MS4A14: variants seen among roughly 807,000 people sequenced by gnomAD.
The protein encoded by MS4A14 is membrane spanning 4-domains A14.
A neutral mutation model predicts 16.7 loss-of-function variants in MS4A14; 18 were observed. The ratio of observed to expected loss-of-function variants is 1.08; its 90% confidence interval spans 0.75 to 1.60. The LOEUF (loss-of-function observed/expected upper bound fraction) is 1.60. Ranked by LOEUF, MS4A14 falls within the 40% of genes most tolerant of loss-of-function variation. The pLI is 0.00. For synonymous variants in MS4A14, 305 were observed against 289.4 expected (o/e 1.05, Z -0.55); for missense variants, 812 against 775.3 (o/e 1.05, Z -0.56).
At position 60,416,563 on chromosome 11, in the gene MS4A14, C is replaced by T; in HGVS notation, c.1595C>T (p.Ser532Phe). The change falls in exon 5 of 5, where the codon TCC (serine) becomes TTC (phenylalanine). Residue 532 changes from serine to phenylalanine, a missense_variant. Ser to Phe is a radical substitution (Grantham distance 155). Transcript: ENST00000300187. ...GGCTGGCAATCTCCAAAGCAGAAAT[C>T]CTTAGACCAGCAAATCAAAGACTGG... ...SKGWQSPKQK[S>F]LDQQIKDWLS... 1 of 1,613,856 alleles carries T rather than the reference C, an allele frequency of 6.2e-7. No homozygotes were observed. Among genetic ancestry groups the T allele is most frequent in the Non-Finnish European group, 8.5e-7 (1 of 1,179,952 alleles).
In MS4A14 at chr11:60,416,063, A is replaced by T. The variant is rs2085937125; in HGVS notation, c.1095A>T (p.Thr365=). 1.9e-6 allele frequency: 3 copies of T among 1,612,822 alleles called. No individual in the cohort carries two copies. In the African/African-American group the frequency reaches 4.0e-5, roughly 22 times the overall value. The change falls in exon 5 of 5, where the codon ACA becomes ACT. Residue 365 remains threonine, a synonymous_variant. Coordinates refer to ENST00000300187, the MANE Select transcript of MS4A14 (RefSeq NM_032597.5). ...LPPQGILSQD[T]SSQDMLFHDM... ...CTCAAGGCATACTATCCCAAGACAC[A>T]TCATCTCAAGATATGCTGTTTCATG...
chr11:60,399,049 T>C (rs1464922208), intron 2 of MS4A14, among the ~76,000 whole-genome samples: 8 of 152,218 alleles, frequency 5.3e-5, no homozygotes, highest in Non-Finnish European at 1.0e-4. Context: ...ACATACCGCG[T>C]CTTCAATGGC....
Position 60,416,088 on chromosome 11 carries a change from G to C in MS4A14, c.1120G>C (p.Asp374His), listed in dbSNP as rs911765497. The C allele has an allele frequency of 1.9e-6, 3 of 1,610,462 alleles. No individual in the cohort carries two copies. Among genetic ancestry groups the C allele is most frequent in the Non-Finnish European group, 2.5e-6 (3 of 1,178,248 alleles). Residue 374 changes from aspartate to histidine, a missense_variant, in exon 5 of 5, where the codon GAC becomes CAC. By Grantham distance (81) the Asp-to-His change is moderately conservative. Coordinates refer to ENST00000300187, the MANE Select transcript of MS4A14 (RefSeq NM_032597.5). ...ATCATCTCAAGATATGCTGTTTCAT[G>C]ACATGACATCCCAAGATATGCAATC... ...DTSSQDMLFHDMTSQDMQSLD... is the reference protein window; with the variant it reads ...DTSSQDMLFHHMTSQDMQSLD...
Position 60,415,970 on chromosome 11 carries a change from C to T in MS4A14, c.1002C>T (p.Thr334=), listed in dbSNP as rs1330062021. The part of the protein sequence containing the change: ...ALPVEGLSEQ[T]MPSKSTSSHV... ...CAGTAGAAGGCCTGTCAGAACAAAC[C>T]ATGCCATCTAAGTCTACATCATCCC... is the stretch of plus-strand genomic sequence containing the variant. Residue 334 remains threonine, a synonymous_variant, in exon 5 of 5, where the codon ACC becomes ACT. Transcript: ENST00000300187. 6.2e-7 allele frequency: 1 copy of T among 1,613,880 alleles called. No individual in the cohort carries two copies. Among genetic ancestry groups the T allele is most frequent in the Non-Finnish European group, 8.5e-7 (1 of 1,179,920 alleles).
intron 4 of MS4A14, among the ~76,000 whole-genome samples, chr11:60,410,585 G>A (rs2085854213): frequency 6.6e-6 from 1 of 152,148 alleles, no homozygotes; most frequent in Non-Finnish European, 1.5e-5. Context: ...CTTAGGCTTA[G>A]TGTCGGATTG....
intron 3 of MS4A14, 122 bp downstream of exon 3, chr11:60,400,576 TC>T: frequency 1.7e-6 from 1 of 580,318 alleles, no homozygotes; most frequent in Non-Finnish European, 3.0e-6. Context: ...AAGTTGCAGT[TC>T]AGATCATTCC....
In MS4A14 at chr11:60,396,727, T is replaced by G; in HGVS notation, c.138+11T>G. The G allele has an allele frequency of 6.2e-7, 1 of 1,612,326 alleles. No individual in the cohort carries two copies. Among genetic ancestry groups the G allele is most frequent in the South Asian group, 1.1e-5 (1 of 90,738 alleles). ...CCAAGAGTCTTGGGGGTAAGTCCTC[T>G]CCAGTCAATAGGTCTTCCAGAAGGG... is the stretch of plus-strand genomic sequence containing the variant. On this transcript the variant is annotated intron_variant, in intron 1 of 4. Coordinates refer to ENST00000300187, the MANE Select transcript of MS4A14 (RefSeq NM_032597.5).
At chr11:60,404,416 T>C (rs1284639852) in intron 4 of MS4A14, 3 of 403,462 alleles carry the variant, frequency 7.4e-6, no homozygotes, top group Non-Finnish European at 1.5e-5. Context: ...AGAGTAATCA[T>C]TTAAAAATGT....
At chr11:60,410,652 C>A (rs1214391352) in intron 4 of MS4A14, among the ~76,000 whole-genome samples, 1 of 152,084 alleles carries the variant, frequency 6.6e-6, no homozygotes, top group East Asian at 1.9e-4. Flanking sequence ...TATTCTTTCA[C>A]ATGTGGATGC....
At chr11:60,400,503 A>G in intron 3 of MS4A14, 49 bp downstream of exon 3, 2 of 1,329,738 alleles carry the variant, frequency 1.5e-6, no homozygotes, top group East Asian at 2.4e-5. Flanking sequence ...TTTGTTTTAT[A>G]TCATCTTTAT....
intron 4 of MS4A14, among the ~76,000 whole-genome samples, chr11:60,410,600 T>G (rs188249336): frequency 6.6e-6 from 1 of 152,296 alleles, no homozygotes; most frequent in East Asian, 1.9e-4. Flanking sequence ...GGATTGATTT[T>G]GAGTTAATGT....
At chr11:60,405,797 C>A in intron 4 of MS4A14, 1 of 901,864 alleles carries the variant, frequency 1.1e-6, no homozygotes, top group Non-Finnish European at 1.7e-6. Context: ...GTTTCCCATA[C>A]TTGGTGATAG....
At chr11:60,414,184 A>T (rs969945403) in intron 4 of MS4A14, among the ~76,000 whole-genome samples, 1 of 152,118 alleles carries the variant, frequency 6.6e-6, no homozygotes, top group Non-Finnish European at 1.5e-5. Flanking sequence ...ATTTCTTCCA[A>T]ACCTCTTTTT....
intron 4 of MS4A14, chr11:60,404,800 A>T (rs10897057): frequency 0.61 from 166,368 of 271,120 alleles, 52,146 homozygotes; most frequent in Middle Eastern, 0.75. Flanking sequence ...CATAGCTCCC[A>T]ATCCTTCTTC....
intron 4 of MS4A14, among the ~76,000 whole-genome samples, chr11:60,408,098 C>T (rs1237187024): frequency 1.3e-5 from 2 of 152,146 alleles, no homozygotes; most frequent in African/African-American, 2.4e-5. Flanking sequence ...GCACATCCCC[C>T]CTCATGGAGA....
In MS4A14 at chr11:60,416,732, C is replaced by T. The variant is rs1478579238; in HGVS notation, c.1764C>T (p.Asp588=). The part of the protein sequence containing the change: ...EGQSKDGQVK[D]QQTDKEQNSK... ...AATCTAAAGATGGACAAGTTAAAGA[C>T]CAGCAGACTGATAAGGAGCAAAACT... The change falls in exon 5 of 5, where the codon GAC becomes GAT. Residue 588 remains aspartate (D), a synonymous_variant. Coordinates refer to ENST00000300187, the MANE Select transcript of MS4A14 (RefSeq NM_032597.5). 1.2e-6 allele frequency: 2 copies of T among 1,613,540 alleles called. No individual in the cohort carries two copies. The highest frequency in any genetic ancestry group is 8.5e-7 in the Non-Finnish European group (1 of 1,179,852).
intron 2 of MS4A14, among the ~76,000 whole-genome samples, chr11:60,398,675 A>G (rs1307794080): frequency 6.6e-6 from 1 of 152,148 alleles, no homozygotes; most frequent in Non-Finnish European, 1.5e-5. Flanking sequence ...CGAATGAATC[A>G]ATCAATCAAT....
At position 60,415,557 on chromosome 11, in the gene MS4A14, G is replaced by A. The variant is rs1239527776; in HGVS notation, c.589G>A (p.Ala197Thr). 6.2e-7 allele frequency: 1 copy of A among 1,613,746 alleles called. No individual in the cohort carries two copies. Among genetic ancestry groups the A allele is most frequent in the Non-Finnish European group, 8.5e-7 (1 of 1,179,782 alleles). ...EFSSDDSTTN[A>T]QSVIFGGYAF... Reference sequence around the variant, plus strand: ...TTCCAGTGATGATTCAACAACAAATGCACAATCTGTTATCTTTGGAGGCTA... The same window carrying A: ...TTCCAGTGATGATTCAACAACAAATACACAATCTGTTATCTTTGGAGGCTA... Residue 197 changes from alanine (A) to threonine (T), a missense_variant, in exon 5 of 5, where the codon GCA becomes ACA. Transcript: ENST00000300187.
chr11:60,413,484 A>G (rs2135150879), intron 4 of MS4A14, among the ~76,000 whole-genome samples: 1 of 152,114 alleles, frequency 6.6e-6, no homozygotes, highest in East Asian at 1.9e-4. Context: ...CCTGTTGCGC[A>G]GATTTTTTAA....
Sources: allele counts gnomAD v4.1 joint callset (sites outside exome capture counted in the v4.1 genomes callset), GRCh38; gene constraint gnomAD v4.1.1; transcripts MANE v1.5; gene names NCBI Gene and HGNC (gene_info 2026-07-23, HGNC 2026-07-21).